Variants in DIPK2B observed in about 807,000 individuals in gnomAD.
The protein encoded by DIPK2B is divergent protein kinase domain 2B, also known as UPF0672 protein CXorf36.
DIPK2B carries 15 observed loss-of-function variants against 22.2 expected under a neutral mutation model. The ratio of observed to expected loss-of-function variants is 0.68; its 90% CI spans 0.45 to 1.04. The LOEUF is 1.04. Ranked by LOEUF, DIPK2B falls within the 50% of genes least tolerant of loss-of-function variation. The pLI is 0.00. For missense variants in DIPK2B, 345 were observed against 348.3 expected (o/e 0.99, Z 0.08); for synonymous variants, 163 against 153.2 (o/e 1.06, Z -0.47).
At chrX:45,165,915 G>C (rs2047046553) in intron 2 of DIPK2B, among the ~76,000 whole-genome samples, 1 of 111,332 alleles carries the variant, frequency 9.0e-6, no homozygotes, top group African/African-American at 3.3e-5. Flanking sequence ...CCATGTGCTA[G>C]ACGTGCCTTC....
chrX:45,193,566 C>T (rs1603118325), intron 1 of DIPK2B, among the ~76,000 whole-genome samples: 1 of 111,808 alleles, frequency 8.9e-6, no homozygotes, highest in East Asian at 2.8e-4. Flanking sequence ...AACTGGACAG[C>T]CCAGGCCTCT....
chrX:45,156,424 C>T (rs1011278586), intron 3 of DIPK2B, among the ~76,000 whole-genome samples: 2 of 112,278 alleles, frequency 1.8e-5, no homozygotes, highest in African/African-American at 6.5e-5. Flanking sequence ...GCTCTCATCC[C>T]ACGCCTCTCA....
intron 2 of DIPK2B, among the ~76,000 whole-genome samples, chrX:45,180,100 A>C (rs2047141564): frequency 9.0e-6 from 1 of 111,688 alleles, no homozygotes. Context: ...CCACTGGAAC[A>C]TCACCTCATC....
At chrX:45,181,842 A>T (rs1290780980) in intron 2 of DIPK2B, among the ~76,000 whole-genome samples, 1 of 112,090 alleles carries the variant, frequency 8.9e-6, no homozygotes, top group East Asian at 2.8e-4. Flanking sequence ...ACTGGGCTTC[A>T]TTAAAATAAA....
chrX:45,163,435 C>T (rs781244514), intron 2 of DIPK2B: 39 of 752,204 alleles, frequency 5.2e-5, no homozygotes, highest in African/African-American at 7.0e-5. Flanking sequence ...CAATGAAGAC[C>T]GAAATCTAGA....
chrX:45,165,340 G>T (rs184033980), intron 2 of DIPK2B, among the ~76,000 whole-genome samples: 40 of 111,681 alleles, frequency 3.6e-4, no homozygotes, highest in African/African-American at 1.2e-3. Context: ...TGTAATAGGG[G>T]TGCTCCAGAA....
rs201729915 is a variant in DIPK2B, at chrX:45,151,783, C to G, written c.1171G>C (p.Asp391His). 126 of 1,210,419 alleles carry G rather than the reference C, an allele frequency of 1.0e-4. 1 individual carries two copies. In the East Asian group the frequency reaches 3.3e-3, roughly 31 times the overall value. ...ACTTCTGGGTCTGGGCGGATGCTGT[C>G]CCCACACTGAACAAGGATGGAGTCT... is the stretch of plus-strand genomic sequence containing the variant. ...DIDSILVQCG[D>H]SIRPDPEVLG... Residue 391 changes from aspartate (D) to histidine (H), a missense_variant, in exon 5 of 5, where the codon GAC (aspartate) becomes CAC (histidine). Asp to His is a moderately conservative substitution (Grantham distance 81). Transcript: ENST00000398000.
chrX:45,172,364 G>A (rs910602545), intron 2 of DIPK2B, among the ~76,000 whole-genome samples: 3 of 111,536 alleles, frequency 2.7e-5, no homozygotes, highest in East Asian at 2.8e-4. Flanking sequence ...TGGTATCTAC[G>A]TAGCAGTAGC....
rs1256205077 is a variant in DIPK2B at position 45,154,327 on chromosome X, CTA to C, written c.673-131_673-130del. On this transcript the variant is annotated intron_variant, in intron 3 of 4. Coordinates refer to ENST00000398000, the MANE Select transcript of DIPK2B (RefSeq NM_176819.4). ...TCTATCTATCTATCTATCTGTCTAT[CTA>C]TATCAATCATCTATATCTATCATCT... 63 of 585,355 alleles carry C rather than the reference CTA, an allele frequency of 1.1e-4. No homozygotes were observed. The African/African-American group carries it at 1.2e-3, about 11-fold the overall frequency. The allele number at this position is 585,355 out of a possible 1,213,427, so 48.2% of individuals were successfully genotyped here.
intron 2 of DIPK2B, among the ~76,000 whole-genome samples, chrX:45,160,338 G>A (rs1225004294): frequency 4.5e-5 from 5 of 110,424 alleles, no homozygotes; most frequent in Non-Finnish European, 9.5e-5. Context: ...CTCCCAAGTA[G>A]CTGGGATTAC....
At chrX:45,168,859 T>G (rs758464953) in intron 2 of DIPK2B, among the ~76,000 whole-genome samples, 8 of 112,130 alleles carry the variant, frequency 7.1e-5, no homozygotes, top group Non-Finnish European at 1.5e-4. Flanking sequence ...AAAATGAGAT[T>G]CAACATCCCC....
At chrX:45,161,858 G>A (rs905660533) in intron 2 of DIPK2B, among the ~76,000 whole-genome samples, 1 of 111,891 alleles carries the variant, frequency 8.9e-6, no homozygotes, top group South Asian at 3.7e-4. Flanking sequence ...TTTAAAACAC[G>A]TTTGTAAACT....
At chrX:45,156,640 G>A (rs1319389142) in intron 3 of DIPK2B, among the ~76,000 whole-genome samples, 1 of 111,086 alleles carries the variant, frequency 9.0e-6, no homozygotes, top group African/African-American at 3.3e-5. Flanking sequence ...AAGTGACTTG[G>A]GCCAAGTCAC....
chrX:45,157,356 G>A (rs1053537305), intron 3 of DIPK2B, among the ~76,000 whole-genome samples: 2 of 111,525 alleles, frequency 1.8e-5, no homozygotes, highest in African/African-American at 6.5e-5. Flanking sequence ...ACCTCTCTGG[G>A]TGGGTCATTC....
intron 2 of DIPK2B, among the ~76,000 whole-genome samples, chrX:45,187,457 G>GGT (rs140654602): frequency 3.6e-5 from 3 of 84,328 alleles, no homozygotes; most frequent in African/African-American, 9.1e-5. Context: ...CATGCTCGAG[G>GGT]GCGCGCGCGC....
chrX:45,167,495 CAAAA>C (rs1156692662), intron 2 of DIPK2B, among the ~76,000 whole-genome samples: 1 of 24,691 alleles, frequency 4.1e-5, no homozygotes, highest in Non-Finnish European at 7.2e-5. Context: ...AAGACTGTCT[CAAAA>C]AAAAAAAAAA....
At chrX:45,168,466 C>A (rs1293160595) in intron 2 of DIPK2B, among the ~76,000 whole-genome samples, 5 of 112,394 alleles carry the variant, frequency 4.4e-5, no homozygotes, top group Non-Finnish European at 9.4e-5. Context: ...CAACAGAAAG[C>A]CTGTCTCGTA....
chrX:45,153,589 C>G (rs2046973345), intron 4 of DIPK2B, among the ~76,000 whole-genome samples: 1 of 105,183 alleles, frequency 9.5e-6, no homozygotes, highest in Non-Finnish European at 1.9e-5. Flanking sequence ...AGGGTCAAGG[C>G]AGGTCCCTGG....
rs1398458910 is a variant in DIPK2B at position 45,193,208 on chromosome X, GA to G, written c.234-1194del. 3.6e-5 allele frequency among the ~76,000 whole-genome samples: 4 copies of G among 112,379 alleles called. No individual in the cohort carries two copies. In the Admixed American group the frequency reaches 3.8e-4, roughly 11 times the overall value. On this transcript the variant is annotated intron_variant, in intron 1 of 4. Transcript: ENST00000398000. Reference sequence around the variant, plus strand: ...TTAAATCTCTTTTTGATTTGTGTATGAAAAACTACTCAGAAAAAGTTTACCT... The same window carrying G: ...TTAAATCTCTTTTTGATTTGTGTATGAAAACTACTCAGAAAAAGTTTACCT...
Sources: allele counts gnomAD v4.1 joint callset (sites outside exome capture counted in the v4.1 genomes callset), GRCh38; gene constraint gnomAD v4.1.1; transcripts MANE v1.5; gene names NCBI Gene and HGNC (gene_info 2026-07-23, HGNC 2026-07-21).